Variants in TEX29 observed in about 807,000 individuals in gnomAD.
The protein encoded by TEX29 is testis expressed 29.
Under a neutral mutation model 18.2 loss-of-function variants are expected in TEX29, and 26 were observed. That is an observed-to-expected ratio of 1.43 (90% CI 1.04 to 1.98). TEX29 has a LOEUF of 1.98. Ranked by LOEUF, TEX29 falls within the 30% of genes most tolerant of loss-of-function variation. The pLI is 0.00. For synonymous variants in TEX29, 83 were observed against 78.5 expected (o/e 1.06, Z -0.31); for missense variants, 177 against 194.2 (o/e 0.91, Z 0.53).
intron 2 of TEX29, among the ~76,000 whole-genome samples, chr13:111,324,051 G>T (rs982491129): frequency 6.6e-6 from 1 of 152,210 alleles, no homozygotes; most frequent in African/African-American, 2.4e-5. Flanking sequence ...GATTCCAGGT[G>T]GTGTCACAGC....
At chr13:111,330,037 A>G (rs1490263474) in intron 3 of TEX29, among the ~76,000 whole-genome samples, 1 of 150,556 alleles carries the variant, frequency 6.6e-6, no homozygotes, top group African/African-American at 2.5e-5. Flanking sequence ...CAAAGAAAGT[A>G]CATTTCAAGG....
At chr13:111,320,813 A>T in intron 1 of TEX29, 44 bp from the exon 2 acceptor site, 1 of 1,590,348 alleles carries the variant, frequency 6.3e-7, no homozygotes. Context: ...TCCCCAAACG[A>T]CGTCCCCAGG....
intron 4 of TEX29, 144 bp downstream of exon 4, chr13:111,340,076 A>T: frequency 2.8e-6 from 2 of 717,204 alleles, no homozygotes; most frequent in Non-Finnish European, 4.8e-6. Context: ...GGGAAAGGGA[A>T]CTGGCCAGGC....
intron 2 of TEX29, among the ~76,000 whole-genome samples, chr13:111,325,127 G>A (rs778592677): frequency 9.9e-5 from 15 of 152,194 alleles, no homozygotes; most frequent in African/African-American, 1.7e-4. Context: ...GGAAGCACTC[G>A]GCTCATTTTA....
chr13:111,326,661 T>TA (rs2093674339), intron 2 of TEX29, among the ~76,000 whole-genome samples: 1 of 129,786 alleles, frequency 7.7e-6, no homozygotes, highest in African/African-American at 3.0e-5. Flanking sequence ...GCCTGTCTGG[T>TA]GGGGTGGAGA....
At chr13:111,320,413 A>G (rs2093661856), upstream of TEX29, among the ~76,000 whole-genome samples, 1 of 152,190 alleles carries the variant, frequency 6.6e-6, no homozygotes, top group Non-Finnish European at 1.5e-5. Flanking sequence ...GGGCGGGGGT[A>G]TCCTGCAGGG....
Position 111,328,309 on chromosome 13 carries a change from G to T in TEX29, c.169+16G>T. On this transcript the variant is annotated intron_variant, in intron 3 of 5. Transcript: ENST00000283547. ...GCGGTTCCCAGTGAGTAGACGCCCC[G>T]GCCACCCCGTGGCGGAAGCCGAGGT... 6.3e-7 allele frequency: 1 copy of T among 1,594,278 alleles called. No homozygotes were observed. Among genetic ancestry groups the T allele is most frequent in the Non-Finnish European group, 8.6e-7 (1 of 1,163,340 alleles).
At chr13:111,326,573 G>A (rs28693496) in intron 2 of TEX29, among the ~76,000 whole-genome samples, 28,438 of 126,288 alleles carry the variant, frequency 0.23, 4,020 homozygotes, top group South Asian at 0.29. Flanking sequence ...TGGTGCTGGC[G>A]GGTGTCTGGT....
chr13:111,329,547 G>A (rs1017287404), intron 3 of TEX29, among the ~76,000 whole-genome samples: 8 of 151,644 alleles, frequency 5.3e-5, no homozygotes, highest in African/African-American at 9.7e-5. Flanking sequence ...GGGAATGAGT[G>A]ACTGATGGAA....
Position 111,320,673 on chromosome 13 carries a change from T to G in TEX29, c.-124T>G. On this transcript the variant is annotated 5_prime_UTR_variant, in exon 1 of 6. Transcript: ENST00000283547. ...AGCGGCAGACAGAGGGGTGGCCAGT[T>G]TGTTGTTTTACCTAAAAGGTGTTTT... 8.5e-5 allele frequency: 49 copies of G among 579,452 alleles called. No homozygotes were observed. Among genetic ancestry groups the G allele is most frequent in the Middle Eastern group, 4.7e-4 (1 of 2,120 alleles). 35.9% of individuals were successfully genotyped at this position (579,452 alleles called of 1,614,324 possible). A position where few individuals can be genotyped will look rare whatever the true frequency, so the allele number is the denominator to read the frequency against.
chr13:111,328,327 G>A (rs746476553), intron 3 of TEX29, 34 bp downstream of exon 3: 1 of 1,497,950 alleles, frequency 6.7e-7, no homozygotes, highest in Middle Eastern at 2.2e-4. Flanking sequence ...CGTGGCGGAA[G>A]CCGAGGTAGC....
At chr13:111,335,501 A>G (rs2093688359) in intron 3 of TEX29, among the ~76,000 whole-genome samples, 1 of 152,088 alleles carries the variant, frequency 6.6e-6, no homozygotes, top group Non-Finnish European at 1.5e-5. Context: ...GGCACTTGTC[A>G]TCATCTTGTT....
chr13:111,336,599 T>C (rs554549173), intron 3 of TEX29, among the ~76,000 whole-genome samples: 2 of 152,392 alleles, frequency 1.3e-5, no homozygotes, highest in Middle Eastern at 3.4e-3. Flanking sequence ...TTATTTAACA[T>C]GTCATTTCTT....
intron 4 of TEX29, among the ~76,000 whole-genome samples, chr13:111,341,884 C>T (rs1029781002): frequency 1.2e-4 from 19 of 152,194 alleles, no homozygotes; most frequent in Admixed American, 7.2e-4. Context: ...GGATGATTGA[C>T]GCAGCATCGA....
intron 3 of TEX29, chr13:111,339,211 G>A (rs975566307): frequency 1.3e-5 from 6 of 453,864 alleles, no homozygotes; most frequent in Admixed American, 4.7e-5. Flanking sequence ...GGGAAACTTG[G>A]GGATTGCAGG....
At chr13:111,340,071 A>G in intron 4 of TEX29, 139 bp downstream of exon 4, 1 of 715,906 alleles carries the variant, frequency 1.4e-6, no homozygotes, top group East Asian at 2.7e-5. Context: ...AGCCTGGGAA[A>G]GGGAACTGGC....
At chr13:111,343,313 C>A (rs1473718653) in intron 5 of TEX29, among the ~76,000 whole-genome samples, 1 of 151,718 alleles carries the variant, frequency 6.6e-6, no homozygotes, top group Non-Finnish European at 1.5e-5. Context: ...GCCATGGGTA[C>A]TCTCTGTGGC....
intron 2 of TEX29, among the ~76,000 whole-genome samples, chr13:111,325,254 C>T (rs1285267390): frequency 6.6e-6 from 1 of 152,266 alleles, no homozygotes; most frequent in African/African-American, 2.4e-5. Flanking sequence ...TGGCTCCTCT[C>T]CCTCTTCCCA....
chr13:111,342,025 G>T (rs2093697363), intron 4 of TEX29, among the ~76,000 whole-genome samples: 1 of 152,224 alleles, frequency 6.6e-6, no homozygotes, highest in African/African-American at 2.4e-5. Flanking sequence ...GGGTGTCAGG[G>T]TTTGGAGGTG....
Sources: allele counts gnomAD v4.1 joint callset (sites outside exome capture counted in the v4.1 genomes callset), GRCh38; gene constraint gnomAD v4.1.1; transcripts MANE v1.5; gene names NCBI Gene and HGNC (gene_info 2026-07-23, HGNC 2026-07-21).